CNOT6: variants seen among roughly 807,000 people sequenced by gnomAD.
CNOT6 encodes the protein carbon catabolite repression 4 protein.
CNOT6 carries 12 observed loss-of-function variants against 61.2 expected under a neutral mutation model. That is an observed-to-expected ratio of 0.20 (90% CI 0.13 to 0.32). CNOT6 has a LOEUF of 0.32. Among genes scored for constraint, CNOT6 ranks in the 10% least tolerant of loss-of-function variants. The pLI is 1.00. For synonymous variants in CNOT6, 225 were observed against 240.6 expected (o/e 0.94, Z 0.60); for missense variants, 405 against 663.9 (o/e 0.61, Z 4.28).
intron 3 of CNOT6, 135 bp from the exon 4 acceptor site, chr5:180,553,251 G>A (rs72814954): frequency 0.026 from 9,887 of 385,686 alleles, 207 homozygotes; most frequent in Non-Finnish European, 0.034. Context: ...TTTAAGAAAC[G>A]CAGTACTAGA....
chr5:180,545,003 T>A (rs1473378128), intron 2 of CNOT6, among the ~76,000 whole-genome samples: 1 of 152,230 alleles, frequency 6.6e-6, no homozygotes, highest in Non-Finnish European at 1.5e-5. Context: ...GCCTTATTCA[T>A]ATTGAATATC....
intron 1 of CNOT6, among the ~76,000 whole-genome samples, chr5:180,519,520 T>C (rs1435708513): frequency 2.6e-5 from 4 of 152,182 alleles, no homozygotes; most frequent in African/African-American, 4.8e-5. Flanking sequence ...TATAGAATAT[T>C]TTTTAGTTCA....
rs899442779 is a variant in CNOT6 at position 180,575,958 on chromosome 5, C to G, written c.*1758C>G. On this transcript the variant is annotated 3_prime_UTR_variant, in exon 12 of 12. Transcript: ENST00000261951. ...TTGATGTTGAATCTTGGTCTTGGAC[C>G]TGTTTTTTCCTTTGAGGGTTTTTTG... 4.0e-5 allele frequency: 6 copies of G among 151,756 alleles called. No homozygotes were observed. The highest frequency in any genetic ancestry group is 1.5e-4 in the African/African-American group (6 of 41,156). The allele number at this position is 151,756 out of a possible 1,614,324, so 9.4% of individuals were successfully genotyped here. A position where few individuals can be genotyped will look rare whatever the true frequency, so the allele number is the denominator to read the frequency against.
intron 1 of CNOT6, among the ~76,000 whole-genome samples, chr5:180,512,251 G>A (rs901107519): frequency 6.6e-6 from 1 of 152,162 alleles, no homozygotes; most frequent in African/African-American, 2.4e-5. Context: ...ACCCACTGTG[G>A]AGGCTAGGTG....
In CNOT6 at chr5:180,550,322, G is replaced by A. The variant is rs189569147; in HGVS notation, c.299+205G>A. Reference sequence around the variant, plus strand: ...AAAAATTAGCCAGGCGTGGTGGCGGGCACCTGTAGTCCCAGCTACTCGGGA... The same window carrying A: ...AAAAATTAGCCAGGCGTGGTGGCGGACACCTGTAGTCCCAGCTACTCGGGA... On this transcript the variant is annotated intron_variant, in intron 3 of 11. Transcript: ENST00000261951. 2.4e-3 allele frequency among the ~76,000 whole-genome samples: 365 copies of A among 152,108 alleles called. 2 individuals carry two copies. The highest frequency in any genetic ancestry group is 4.4e-3 in the Non-Finnish European group (300 of 67,988).
intron 2 of CNOT6, among the ~76,000 whole-genome samples, chr5:180,541,375 G>A (rs937851473): frequency 2.1e-5 from 3 of 146,072 alleles, no homozygotes; most frequent in Non-Finnish European, 4.5e-5. Flanking sequence ...CTGACCTCGT[G>A]ATCCACCCGC....
chr5:180,550,824 T>C (rs1466940037), intron 3 of CNOT6, among the ~76,000 whole-genome samples: 4 of 152,114 alleles, frequency 2.6e-5, no homozygotes, highest in African/African-American at 7.2e-5. Flanking sequence ...TGTTTGATAG[T>C]AGTAAAGCCT....
chr5:180,555,785 G>A (rs979131186), intron 4 of CNOT6, among the ~76,000 whole-genome samples: 1 of 152,110 alleles, frequency 6.6e-6, no homozygotes, highest in African/African-American at 2.4e-5. Flanking sequence ...AGTCATGTTT[G>A]TTTGCTATTA....
intron 1 of CNOT6, among the ~76,000 whole-genome samples, chr5:180,518,583 A>G (rs977140228): frequency 6.6e-6 from 1 of 152,052 alleles, no homozygotes; most frequent in African/African-American, 2.4e-5. Flanking sequence ...CAGTGGTGTG[A>G]TTGTAGCTCA....
intron 1 of CNOT6, among the ~76,000 whole-genome samples, chr5:180,509,984 A>T (rs1224667629): frequency 6.6e-6 from 1 of 151,804 alleles, no homozygotes; most frequent in East Asian, 1.9e-4. Context: ...TGTAGTTATG[A>T]TTTAAGTTTT....
At chr5:180,539,806 G>A (rs1470387702) in intron 2 of CNOT6, among the ~76,000 whole-genome samples, 1 of 151,728 alleles carries the variant, frequency 6.6e-6, no homozygotes, top group Non-Finnish European at 1.5e-5. Flanking sequence ...AGCCAGGATG[G>A]TCTCCATCTC....
chr5:180,541,466 T>TTTTTC, intron 2 of CNOT6, among the ~76,000 whole-genome samples: 1 of 143,966 alleles, frequency 6.9e-6, no homozygotes, highest in Non-Finnish European at 1.5e-5. Context: ...TTTTTTTTTT[T>TTTTTC]TTTGAGACAG....
chr5:180,497,956 T>C (rs1756689002), intron 1 of CNOT6, among the ~76,000 whole-genome samples: 1 of 151,290 alleles, frequency 6.6e-6, no homozygotes, highest in South Asian at 2.1e-4. Context: ...GGCAGGAGAA[T>C]CGCTTGAACC....
chr5:180,508,078 G>C (rs937144533), intron 1 of CNOT6, among the ~76,000 whole-genome samples: 2 of 152,128 alleles, frequency 1.3e-5, no homozygotes, highest in African/African-American at 4.8e-5. Context: ...TTAGAGATGG[G>C]GAGAGTGGTG....
intron 11 of CNOT6, 42 bp from the exon 12 acceptor site, chr5:180,573,943 GTGT>G: frequency 7.7e-7 from 1 of 1,304,750 alleles, no homozygotes; most frequent in Non-Finnish European, 1.1e-6. Context: ...GAGGATTTTA[GTGT>G]TGTCTTATAC....
At chr5:180,537,804 CTT>C (rs11407875) in intron 2 of CNOT6, among the ~76,000 whole-genome samples, 69 of 141,926 alleles carry the variant, frequency 4.9e-4, no homozygotes, top group Admixed American at 4.9e-4. Context: ...CTTTCTCTCT[CTT>C]TTTTTTTTTT....
intron 2 of CNOT6, among the ~76,000 whole-genome samples, chr5:180,533,008 C>A (rs140100259): frequency 6.6e-6 from 1 of 152,264 alleles, no homozygotes; most frequent in South Asian, 2.1e-4. Context: ...CCTGTTCTTT[C>A]GGGTTTTTAT....
At chr5:180,517,035 G>A (rs560532222) in intron 1 of CNOT6, among the ~76,000 whole-genome samples, 3 of 152,288 alleles carry the variant, frequency 2.0e-5, no homozygotes, top group South Asian at 4.1e-4. Context: ...TCCATTAAAC[G>A]TTTTCTACCT....
At chr5:180,566,990 C>G (rs773988857) in intron 7 of CNOT6, 98 bp from the exon 8 acceptor site, 2 of 1,156,740 alleles carry the variant, frequency 1.7e-6, no homozygotes, top group Non-Finnish European at 2.4e-6. Context: ...GCAGACCAGT[C>G]CTTTGAAATT....
Sources: allele counts gnomAD v4.1 joint callset (sites outside exome capture counted in the v4.1 genomes callset), GRCh38; gene constraint gnomAD v4.1.1; transcripts MANE v1.5; gene names NCBI Gene and HGNC (gene_info 2026-07-23, HGNC 2026-07-21).